Variants in SAMD12 observed in about 807,000 individuals in gnomAD.
SAMD12 encodes the protein sterile alpha motif domain containing 12, also known as sterile alpha motif domain-containing protein 12.
In SAMD12, 9 loss-of-function variants were observed where a neutral mutation model predicts 15.0. That is an observed-to-expected ratio of 0.60 (90% confidence interval 0.36 to 1.05). SAMD12 has a LOEUF of 1.05. Among genes scored for constraint, SAMD12 ranks in the 50% least tolerant of loss-of-function variants. The probability of loss-of-function intolerance (pLI) is 0.01; values close to 1 mark genes in which losing one functional copy is unlikely to be tolerated. For missense variants in SAMD12, 230 were observed against 234.2 expected (o/e 0.98, Z 0.12); for synonymous variants, 86 against 90.1 (o/e 0.96, Z 0.25).
chr8:118,532,707 T>C (rs1047250247), intron 2 of SAMD12, among the ~76,000 whole-genome samples: 4 of 152,220 alleles, frequency 2.6e-5, no homozygotes, highest in Admixed American at 6.5e-5. Context: ...TTCCTCTAGA[T>C]TTTCTAGTTC....
intron 4 of SAMD12, among the ~76,000 whole-genome samples, chr8:118,331,186 G>A (rs564433871): frequency 4.6e-5 from 7 of 152,116 alleles, no homozygotes; most frequent in African/African-American, 1.7e-4. Flanking sequence ...GGAGGAAAAA[G>A]GCAAGTGAAA....
intron 4 of SAMD12, among the ~76,000 whole-genome samples, chr8:118,277,353 T>C (rs1326016037): frequency 6.6e-6 from 1 of 152,180 alleles, no homozygotes; most frequent in African/African-American, 2.4e-5. Context: ...TATCTTTCTA[T>C]CTATCTATCA....
At chr8:118,218,739 T>C (rs1429285198) in intron 4 of SAMD12, among the ~76,000 whole-genome samples, 3 of 152,188 alleles carry the variant, frequency 2.0e-5, no homozygotes, top group Admixed American at 6.5e-5. Context: ...ATTGTGTATA[T>C]ATACCACATT....
intron 4 of SAMD12, among the ~76,000 whole-genome samples, chr8:118,331,229 T>C (rs913692375): frequency 6.6e-6 from 1 of 151,960 alleles, no homozygotes; most frequent in African/African-American, 2.4e-5. Context: ...ACTAAGAACA[T>C]GGACTTAGTA....
At chr8:118,590,910 C>T (rs1228468441) in intron 1 of SAMD12, among the ~76,000 whole-genome samples, 2 of 152,068 alleles carry the variant, frequency 1.3e-5, no homozygotes, top group African/African-American at 2.4e-5. Flanking sequence ...ATAAGCTTTT[C>T]CAAGAACTAA....
intron 3 of SAMD12, among the ~76,000 whole-genome samples, chr8:118,436,496 G>A (rs768208392): frequency 4.2e-4 from 64 of 151,890 alleles, no homozygotes; most frequent in South Asian, 1.3e-3. Flanking sequence ...TTTATTTACC[G>A]TCACTGGACC....
At chr8:118,161,806 A>G in the SAMD12 span, among the ~76,000 whole-genome samples, 110,259 of 151,686 alleles carry the variant, frequency 0.73, 41,649 homozygotes, top group Non-Finnish European at 0.83. Flanking sequence ...TGGCATATAA[A>G]CACAGGAATG....
chr8:118,241,798 C>T (rs913580893), intron 4 of SAMD12, among the ~76,000 whole-genome samples: 1 of 152,186 alleles, frequency 6.6e-6, no homozygotes, highest in Non-Finnish European at 1.5e-5. Context: ...TAAATAGCTT[C>T]AATGTATATA....
At chr8:118,422,127 T>C (rs1822025854) in intron 3 of SAMD12, among the ~76,000 whole-genome samples, 1 of 152,176 alleles carries the variant, frequency 6.6e-6, no homozygotes, top group Non-Finnish European at 1.5e-5. Context: ...AAGAAAGGCT[T>C]TTAGTTCAGT....
the SAMD12 span, among the ~76,000 whole-genome samples, chr8:118,136,948 A>G: frequency 9.2e-5 from 14 of 152,186 alleles, no homozygotes; most frequent in South Asian, 2.1e-4. Context: ...TTACTGGTAG[A>G]GGGTTTGACT....
At chr8:118,554,366 A>T (rs1586814962) in intron 2 of SAMD12, among the ~76,000 whole-genome samples, 1 of 152,094 alleles carries the variant, frequency 6.6e-6, no homozygotes, top group Non-Finnish European at 1.5e-5. Flanking sequence ...AAAAATGATG[A>T]GTTCATGTCC....
chr8:118,581,284 C>T lies in SAMD12; in HGVS notation c.14-391G>A, dbSNP rs574555883. Reference sequence around the variant, plus strand: ...TCCATCTGAAAAGTGCTCACCCTCTCTTCTTCTGGACCTTCTTTATTATTT... The same window carrying T: ...TCCATCTGAAAAGTGCTCACCCTCTTTTCTTCTGGACCTTCTTTATTATTT... On this transcript the variant is annotated intron_variant, in intron 1 of 3. Coordinates refer to ENST00000314727, the MANE Select transcript of SAMD12 (RefSeq NM_207506.3). 3.3e-5 allele frequency among the ~76,000 whole-genome samples: 5 copies of T among 152,318 alleles called. No homozygotes were observed. In the East Asian group the frequency reaches 9.6e-4, roughly 29 times the overall value.
chr8:118,428,937 T>C (rs1822317092), intron 3 of SAMD12, among the ~76,000 whole-genome samples: 1 of 152,212 alleles, frequency 6.6e-6, no homozygotes, highest in Non-Finnish European at 1.5e-5. Context: ...TTTGCACTTC[T>C]ATACAAATTT....
rs535118504 is a variant in SAMD12 at position 118,229,114 on chromosome 8, T to G, written c.434-31382A>C. Among the ~76,000 whole-genome samples, 49 of 152,038 alleles carry G rather than the reference T, an allele frequency of 3.2e-4. 1 individual carries two copies. Among genetic ancestry groups the G allele is most frequent in the Middle Eastern group, 3.4e-3 (1 of 294 alleles). ...ACGCAAAGGCATAAGAATGATGCAATGGACTTTAGGGACTTGAAGGGAAGA... is the reference window on the plus strand; with the variant it reads ...ACGCAAAGGCATAAGAATGATGCAAGGGACTTTAGGGACTTGAAGGGAAGA... On this transcript the variant is annotated intron_variant, in intron 4 of 4. Transcript: ENST00000409003.
chr8:118,578,384 C>A (rs977768347), intron 2 of SAMD12, among the ~76,000 whole-genome samples: 1 of 152,066 alleles, frequency 6.6e-6, no homozygotes, highest in Non-Finnish European at 1.5e-5. Context: ...ATTATTGGCC[C>A]CCTAATGGCA....
chr8:118,161,268 G>C, the SAMD12 span, among the ~76,000 whole-genome samples: 2 of 152,072 alleles, frequency 1.3e-5, no homozygotes, highest in East Asian at 1.9e-4. Context: ...AGAAGAAAGC[G>C]AACTTTATCA....
At chr8:118,535,958 C>T (rs1426903802) in intron 2 of SAMD12, among the ~76,000 whole-genome samples, 2 of 152,200 alleles carry the variant, frequency 1.3e-5, no homozygotes, top group African/African-American at 4.8e-5. Context: ...CACTGTCCTG[C>T]ACCCACTGTC....
intron 4 of SAMD12, among the ~76,000 whole-genome samples, chr8:118,238,577 G>A (rs111599613): frequency 8.2e-4 from 125 of 152,210 alleles, no homozygotes; most frequent in African/African-American, 2.9e-3. Flanking sequence ...TCAGCTGTTG[G>A]AATGAGTAGT....
chr8:118,272,141 T>C (rs1813371246), intron 4 of SAMD12, among the ~76,000 whole-genome samples: 1 of 152,220 alleles, frequency 6.6e-6, no homozygotes, highest in South Asian at 2.1e-4. Flanking sequence ...TCCAGGCATT[T>C]CCATACATCC....
Sources: gnomAD v4.1 joint callset for allele counts (sites outside exome capture counted in the v4.1 genomes callset) on GRCh38, gnomAD v4.1.1 for gene constraint, MANE v1.5 for transcripts, NCBI Gene and HGNC (gene_info 2026-07-23, HGNC 2026-07-21) for gene names.